KRT86: variants seen among roughly 807,000 people sequenced by gnomAD.
KRT86 encodes keratin 86.
In KRT86, 30 loss-of-function variants were observed where a neutral mutation model predicts 41.2. That is an observed-to-expected ratio of 0.73 (90% CI 0.54 to 0.99). KRT86 has a LOEUF of 0.99. Ranked by LOEUF, KRT86 falls within the 50% of genes least tolerant of loss-of-function variation. The pLI, the probability that KRT86 is intolerant of heterozygous loss-of-function variation, is 0.00. For missense variants in KRT86, 561 were observed against 571.4 expected, an observed-to-expected ratio of 0.98 and a Z score of 0.19; for synonymous variants, 238 against 238.1, an observed-to-expected ratio of 1.00 and a Z score of 0.00.
chr12:52,301,679 A>T (rs1938379245), intron 2 of KRT86: 1 of 276,838 alleles, frequency 3.6e-6, no homozygotes, highest in Admixed American at 6.5e-5. Flanking sequence ...AGGGCAAGAG[A>T]TCATAACATC....
At chr12:52,298,504 C>T (rs908291190) in intron 2 of KRT86, among the ~76,000 whole-genome samples, 4 of 152,202 alleles carry the variant, frequency 2.6e-5, no homozygotes, top group African/African-American at 9.7e-5. Flanking sequence ...TCTGCAGCAG[C>T]AGCATCAGCA....
chr12:52,305,336 A>G lies in KRT86; in HGVS notation c.832A>G (p.Ile278Val). ...GAACATGGACTGCATCATTGCCGAG[A>G]TCAAGGCACAGTACGATGACATTGT... is the stretch of plus-strand genomic sequence containing the variant. ...DLNMDCIIAE[I>V]KAQYDDIVTR... Residue 278 changes from isoleucine (I) to valine (V), a missense_variant, in exon 7 of 11, where the codon ATC becomes GTC. Physicochemically the swap from Ile to Val is conservative, Grantham distance 29. Coordinates refer to ENST00000423955, the MANE Select transcript of KRT86 (RefSeq NM_001320198.2). 1 of 1,614,228 alleles carries G rather than the reference A, an allele frequency of 6.2e-7. No individual in the cohort carries two copies. Among genetic ancestry groups the G allele is most frequent in the Admixed American group, 1.7e-5 (1 of 60,032 alleles).
At chr12:52,279,937 G>T (rs183595928) in intron 2 of KRT86, among the ~76,000 whole-genome samples, 2 of 152,274 alleles carry the variant, frequency 1.3e-5, no homozygotes, top group Admixed American at 6.5e-5. Flanking sequence ...TGGAGATGAG[G>T]TTCTGGGTAG....
At position 52,286,278 on chromosome 12, in the gene KRT86, C is replaced by T. The variant is rs1237242639; in HGVS notation, c.-5+10332C>T. On this transcript the variant is annotated intron_variant, in intron 2 of 10. Transcript: ENST00000423955. ...GCCTAACATTTCCGGCAGCTGCTGC[C>T]GCAAGACCCCACACCCAGGGAGCTG... is the stretch of plus-strand genomic sequence containing the variant. 24 of 1,553,838 alleles carry T rather than the reference C, an allele frequency of 1.5e-5. 1 individual carries two copies. In the East Asian group the frequency reaches 2.2e-4, roughly 14 times the overall value.
chr12:52,305,559 G>A, intron 7 of KRT86, 104 bp from the exon 8 acceptor site: 1 of 1,604,690 alleles, frequency 6.2e-7, no homozygotes, highest in Non-Finnish European at 8.5e-7. Context: ...TGCCATGTGT[G>A]GTTGCACAGG....
At chr12:52,287,520 A>C in intron 2 of KRT86, 1 of 1,613,180 alleles carries the variant, frequency 6.2e-7, no homozygotes, top group Non-Finnish European at 8.5e-7. Flanking sequence ...GCTGAGATCC[A>C]GGTAGGGCAC....
At chr12:52,286,644 T>C in intron 2 of KRT86, 1 of 1,169,050 alleles carries the variant, frequency 8.6e-7, no homozygotes, top group Non-Finnish European at 1.3e-6. Context: ...AGAGCTGGGG[T>C]CTTTTGGATG....
In KRT86 at chr12:52,283,539, C is replaced by T. The variant is rs1239950227; in HGVS notation, c.-5+7593C>T. ...TGTTGCCCAGGCTGGAATGCAATGG[C>T]GCCATCTTGGCTCACTGCAACCTCC... On this transcript the variant is annotated intron_variant, in intron 2 of 10. Transcript: ENST00000423955. 6.7e-5 allele frequency among the ~76,000 whole-genome samples: 9 copies of T among 134,086 alleles called. No homozygotes were observed. The South Asian group carries it at 9.7e-4, about 14-fold the overall frequency. 88.0% of individuals were successfully genotyped at this position (134,086 alleles called of 152,430 possible). A position where few individuals can be genotyped will look rare whatever the true frequency, so the allele number is the denominator to read the frequency against.
chr12:52,308,264 T>A lies in KRT86; in HGVS notation c.1279T>A (p.Cys427Ser), dbSNP rs747260525. The A allele has an allele frequency of 5.0e-6, 8 of 1,614,196 alleles. No homozygotes were observed. The South Asian group carries it at 8.8e-5, about 18-fold the overall frequency. The stretch of plus-strand genomic sequence containing the variant: ...CGAGGGCGTCGGCTCGGTGAATGTC[T>A]GTAAGTAGTGGGGTCCGTCCCCTCC... The part of the protein sequence containing the change: ...LCEGVGSVNV[C>S]VSSSRGGVVC... The change falls in exon 10 of 11, where the codon TGC (cysteine) becomes AGC (serine). Residue 427 changes from cysteine (C) to serine (S), a missense_variant and splice_region_variant. Physicochemically the swap from Cys to Ser is moderately radical, Grantham distance 112 (BLOSUM62 -1). Coordinates refer to ENST00000423955, the MANE Select transcript of KRT86 (RefSeq NM_001320198.2).
At chr12:52,287,232 C>A (rs762553734) in intron 2 of KRT86, 2 of 1,614,114 alleles carry the variant, frequency 1.2e-6, no homozygotes, top group Admixed American at 1.7e-5. Flanking sequence ...TGCAGGGCGC[C>A]CTCCAGCTCG....
At chr12:52,281,496 T>C (rs1937770739) in intron 2 of KRT86, among the ~76,000 whole-genome samples, 1 of 152,148 alleles carries the variant, frequency 6.6e-6, no homozygotes, top group African/African-American at 2.4e-5. Flanking sequence ...TTTTTGACCA[T>C]TGGCATGTGG....
intron 5 of KRT86, 24 bp from the exon 6 acceptor site, chr12:52,304,908 C>G (rs1430323270): frequency 8.1e-6 from 13 of 1,612,730 alleles, no homozygotes; most frequent in Non-Finnish European, 9.3e-6. Context: ...GGTCCTTGAG[C>G]TCCAACACTC....
chr12:52,287,302 C>G, intron 2 of KRT86: 1 of 1,614,014 alleles, frequency 6.2e-7, no homozygotes, highest in Non-Finnish European at 8.5e-7. Context: ...ACTGGGCCAC[C>G]GCGGCCTCCA....
rs1430330345 is a variant in KRT86, at chr12:52,275,893, C to T, written c.-58C>T. 1.0e-6 allele frequency: 1 copy of T among 986,006 alleles called. No individual in the cohort carries two copies. The highest frequency in any genetic ancestry group is 1.2e-6 in the Non-Finnish European group (1 of 829,992). The allele number at this position is 986,006 out of a possible 1,614,324, so 61.1% of individuals were successfully genotyped here. A position where few individuals can be genotyped will look rare whatever the true frequency, so the allele number is the denominator to read the frequency against. Reference sequence around the variant, plus strand: ...GCCCAGCAAGGAGGATCTGAACAGGCTTAATCAGGCCATCCAGTGGCTGAC... The same window carrying T: ...GCCCAGCAAGGAGGATCTGAACAGGTTTAATCAGGCCATCCAGTGGCTGAC... On this transcript the variant is annotated 5_prime_UTR_variant, in exon 2 of 11. Transcript: ENST00000423955.
chr12:52,302,841 T>TAG (rs1555187690), intron 3 of KRT86, among the ~76,000 whole-genome samples: 17 of 127,240 alleles, frequency 1.3e-4, no homozygotes, highest in African/African-American at 5.0e-4. Flanking sequence ...GGGTGGGGGG[T>TAG]GGGGGGGGGG....
At chr12:52,301,736 G>C in intron 2 of KRT86, 177 bp from the exon 3 acceptor site, 1 of 1,202,924 alleles carries the variant, frequency 8.3e-7, no homozygotes, top group Non-Finnish European at 1.2e-6. Flanking sequence ...GGGAGCGACA[G>C]CAGCTAAACA....
At chr12:52,288,467 G>A in intron 2 of KRT86, 1 of 1,613,946 alleles carries the variant, frequency 6.2e-7, no homozygotes, top group Non-Finnish European at 8.5e-7. Context: ...CTGGAAAGGT[G>A]GGGAGTGTTG....
Position 52,300,971 on chromosome 12 carries a change from A to G in KRT86, c.-4-942A>G, listed in dbSNP as rs944705017. 7.9e-5 allele frequency among the ~76,000 whole-genome samples: 12 copies of G among 152,052 alleles called. 1 individual carries two copies. The highest frequency in any genetic ancestry group is 7.9e-4 in the Admixed American group (12 of 15,278). On this transcript the variant is annotated intron_variant, in intron 2 of 10. Transcript: ENST00000423955. ...GTGTGTGCTCCTGAGGCCGCATGGGACACTCTGAGGGAGGGAATGCCTCCT... is the reference window on the plus strand; with the variant it reads ...GTGTGTGCTCCTGAGGCCGCATGGGGCACTCTGAGGGAGGGAATGCCTCCT...
At chr12:52,301,844 G>T in intron 2 of KRT86, 69 bp from the exon 3 acceptor site, 1 of 1,613,262 alleles carries the variant, frequency 6.2e-7, no homozygotes, top group South Asian at 1.1e-5. Flanking sequence ...GTGAACGCCT[G>T]ACGCCCCGAC....
Sources: gnomAD v4.1 joint callset for allele counts (sites outside exome capture counted in the v4.1 genomes callset) on GRCh38, gnomAD v4.1.1 for gene constraint, MANE v1.5 for transcripts, NCBI Gene and HGNC (gene_info 2026-07-23, HGNC 2026-07-21) for gene names.